AOPEP: variants seen among roughly 807,000 people sequenced by gnomAD.
The protein encoded by AOPEP is aminopeptidase O.
In AOPEP, 77 loss-of-function variants were observed where a neutral mutation model predicts 98.1. The observed-to-expected ratio is 0.78, with a 90% CI of 0.65 to 0.95. The LOEUF (loss-of-function observed/expected upper bound fraction) is 0.95, where lower values mean the gene tolerates loss of function less well. Ranked by LOEUF, AOPEP falls within the 40% of genes least tolerant of loss-of-function variation. AOPEP has a pLI of 0.00. For missense variants in AOPEP, 1,024 were observed against 1,024.7 expected, an observed-to-expected ratio of 1.00 and a Z score of 0.01; for synonymous variants, 346 against 365.3, an observed-to-expected ratio of 0.95 and a Z score of 0.60.
chr9:95,079,829 G>A (rs1465554332), intron 14 of AOPEP, among the ~76,000 whole-genome samples: 1 of 152,198 alleles, frequency 6.6e-6, no homozygotes, highest in Non-Finnish European at 1.5e-5. Flanking sequence ...TCAATGTTGT[G>A]CAAACCTACA....
intron 11 of AOPEP, among the ~76,000 whole-genome samples, chr9:94,981,646 A>G (rs2060191556): frequency 6.6e-6 from 1 of 152,070 alleles, no homozygotes; most frequent in African/African-American, 2.4e-5. Context: ...AAGGCTCTAC[A>G]AGGACCTGGG....
At chr9:94,749,803 C>T (rs566904789) in intron 1 of AOPEP, among the ~76,000 whole-genome samples, 1 of 152,124 alleles carries the variant, frequency 6.6e-6, no homozygotes, top group Non-Finnish European at 1.5e-5. Flanking sequence ...ATATGAATAG[C>T]TGCTTTAAAA....
chr9:94,793,406 G>A (rs1418963846), intron 4 of AOPEP, among the ~76,000 whole-genome samples: 10 of 151,808 alleles, frequency 6.6e-5, no homozygotes, highest in Admixed American at 2.6e-4. Context: ...GAGGCTGGGC[G>A]TGGTGGCTCA....
At chr9:95,060,915 C>A in intron 14 of AOPEP, 105 bp downstream of exon 14, 1 of 766,764 alleles carries the variant, frequency 1.3e-6, no homozygotes, top group Non-Finnish European at 2.4e-6. Context: ...TTTCTATTAG[C>A]AAAATCTCAT....
At chr9:95,148,646 A>G in the AOPEP span, among the ~76,000 whole-genome samples, 1 of 152,340 alleles carries the variant, frequency 6.6e-6, no homozygotes, top group South Asian at 2.1e-4. Flanking sequence ...AAATATGTCA[A>G]TGTTTGGAAG....
chr9:94,905,650 C>T (rs1438116513), intron 5 of AOPEP, among the ~76,000 whole-genome samples: 1 of 152,130 alleles, frequency 6.6e-6, no homozygotes, highest in Non-Finnish European at 1.5e-5. Flanking sequence ...CACGCTTTTG[C>T]CCCAATCTTG....
intron 13 of AOPEP, among the ~76,000 whole-genome samples, chr9:95,051,489 T>C (rs2066360975): frequency 6.6e-6 from 1 of 152,174 alleles, no homozygotes; most frequent in African/African-American, 2.4e-5. Context: ...GAGAGATCTT[T>C]CTAAGACATA....
intron 7 of AOPEP, among the ~76,000 whole-genome samples, chr9:94,952,174 T>C (rs1239876132): frequency 5.3e-5 from 8 of 152,270 alleles, no homozygotes; most frequent in Non-Finnish European, 1.0e-4. Flanking sequence ...ATCCTAGTCG[T>C]GTGCCAGTGG....
intron 4 of AOPEP, among the ~76,000 whole-genome samples, chr9:94,799,534 C>T (rs1370831996): frequency 6.6e-6 from 1 of 152,164 alleles, no homozygotes. Context: ...CCTGCCACTG[C>T]AGTCCAGCCT....
chr9:94,855,756 G>T (rs7867380), intron 5 of AOPEP, among the ~76,000 whole-genome samples: 10,784 of 152,176 alleles, frequency 0.071, 1,111 homozygotes, highest in African/African-American at 0.23. Flanking sequence ...AGAACTGGTG[G>T]TTCGCATGTG....
chr9:94,756,557 A>C, intron 1 of AOPEP, among the ~76,000 whole-genome samples: 1 of 152,168 alleles, frequency 6.6e-6, no homozygotes, highest in Non-Finnish European at 1.5e-5. Context: ...TGTTGGCAAG[A>C]GAAAAATGTC....
At chr9:94,804,442 A>T (rs1420654234) in intron 5 of AOPEP, among the ~76,000 whole-genome samples, 3 of 152,144 alleles carry the variant, frequency 2.0e-5, no homozygotes, top group Non-Finnish European at 4.4e-5. Context: ...AGAGCACTGA[A>T]GTTAAAAAAC....
intron 7 of AOPEP, among the ~76,000 whole-genome samples, chr9:94,949,107 C>T (rs1274869573): frequency 6.6e-6 from 1 of 152,234 alleles, no homozygotes; most frequent in South Asian, 2.1e-4. Flanking sequence ...TAGATCATCG[C>T]TTGCTGTGTT....
At chr9:95,102,264 G>A in the AOPEP span, among the ~76,000 whole-genome samples, 46 of 152,182 alleles carry the variant, frequency 3.0e-4, no homozygotes, top group African/African-American at 1.0e-3. Context: ...CATGAGAATT[G>A]GAAAATACCA....
intron 5 of AOPEP, among the ~76,000 whole-genome samples, chr9:94,845,519 G>A (rs530524869): frequency 1.1e-4 from 17 of 152,296 alleles, no homozygotes; most frequent in African/African-American, 2.6e-4. Context: ...TTGGGGGAAC[G>A]GGACAGGAAA....
the AOPEP span, among the ~76,000 whole-genome samples, chr9:95,141,986 T>C: frequency 3.2e-4 from 2 of 6,320 alleles, no homozygotes; most frequent in Non-Finnish European, 1.4e-3. Context: ...GTTTGTGGGG[T>C]TTTTTTTTTT....
intron 5 of AOPEP, among the ~76,000 whole-genome samples, chr9:94,831,767 A>G (rs192344260): frequency 6.6e-6 from 1 of 151,792 alleles, no homozygotes; most frequent in Admixed American, 6.6e-5. Context: ...ATGAACTCTT[A>G]TTCCCAAGTG....
chr9:95,010,082 T>A (rs932888553), intron 13 of AOPEP, among the ~76,000 whole-genome samples: 2 of 152,204 alleles, frequency 1.3e-5, no homozygotes, highest in Admixed American at 6.5e-5. Flanking sequence ...AATTCAGATT[T>A]AAAAAATTGT....
At chr9:94,892,505 G>C (rs901121664) in intron 5 of AOPEP, among the ~76,000 whole-genome samples, 1 of 152,216 alleles carries the variant, frequency 6.6e-6, no homozygotes, top group Non-Finnish European at 1.5e-5. Context: ...GGCAGATTAA[G>C]AGACAGACAT....
Sources: allele counts gnomAD v4.1 joint callset (sites outside exome capture counted in the v4.1 genomes callset), GRCh38; gene constraint gnomAD v4.1.1; transcripts MANE v1.5; gene names NCBI Gene and HGNC (gene_info 2026-07-23, HGNC 2026-07-21).